TRIM38: variants seen among roughly 807,000 people sequenced by gnomAD.
TRIM38 encodes E3 ubiquitin-protein ligase TRIM38.
In TRIM38, 35 loss-of-function variants were observed where a neutral mutation model predicts 35.8. That is an observed-to-expected ratio of 0.98 (90% confidence interval 0.75 to 1.30). The LOEUF is 1.30. Among genes scored for constraint, TRIM38 ranks in the 50% most tolerant of loss-of-function variants. TRIM38 has a pLI of 0.00. For synonymous variants in TRIM38, 198 were observed against 204.7 expected, an observed-to-expected ratio of 0.97 and a Z score of 0.28; for missense variants, 545 against 556.9, an observed-to-expected ratio of 0.98 and a Z score of 0.21.
rs1345140745 is a variant in TRIM38, at chr6:25,990,963, A to C, written c.*7276A>C. The stretch of plus-strand genomic sequence containing the variant: ...AGGAGAGTAATTCTGTTTTTCTGAT[A>C]GAGAATAGAAGAGTCCTTCAGGCCC... On this transcript the variant is annotated 3_prime_UTR_variant, in exon 8 of 8. Coordinates refer to ENST00000357085, the MANE Select transcript of TRIM38 (RefSeq NM_006355.5). 2 of 152,182 alleles carry C rather than the reference A, an allele frequency of 1.3e-5. No individual in the cohort carries two copies. The highest frequency in any genetic ancestry group is 2.9e-5 in the Non-Finnish European group (2 of 68,036). 9.4% of individuals were successfully genotyped at this position (152,182 alleles called of 1,614,324 possible).
chr6:25,974,875 A>G (rs997604196), intron 7 of TRIM38: 7 of 985,370 alleles, frequency 7.1e-6, no homozygotes, highest in Non-Finnish European at 4.8e-6. Context: ...ACAAAACCCA[A>G]AAGCACTCTG....
rs1362411571 is a variant in TRIM38, at chr6:25,969,336, G to A, written c.423G>A (p.Gln141=). ...AATTTTTCCTTCAGGAAAAGCTCCA[G>A]AAAGCTGTGACAAAACTGAAGCAAC... ...DVCQGYKEKL[Q]KAVTKLKQLE... Residue 141 remains glutamine (Q), a synonymous_variant, in exon 4 of 8, where the codon CAG becomes CAA. Coordinates refer to ENST00000357085, the MANE Select transcript of TRIM38 (RefSeq NM_006355.5). 6.2e-7 allele frequency: 1 copy of A among 1,612,554 alleles called. No individual in the cohort carries two copies. Among genetic ancestry groups the A allele is most frequent in the Non-Finnish European group, 8.5e-7 (1 of 1,179,342 alleles).
chr6:25,990,090 C>T lies in TRIM38; in HGVS notation c.*6403C>T, dbSNP rs1760803702. On this transcript the variant is annotated 3_prime_UTR_variant, in exon 8 of 8. Coordinates refer to ENST00000357085, the MANE Select transcript of TRIM38 (RefSeq NM_006355.5). The stretch of plus-strand genomic sequence containing the variant: ...CTGGTCTCCAACTTCTGGGCTCAAA[C>T]AATCCTCCCTCCTTGGCCTTCCAAA... 6.6e-6 allele frequency: 1 copy of T among 151,170 alleles called. No individual in the cohort carries two copies. The highest frequency in any genetic ancestry group is 2.4e-5 in the African/African-American group (1 of 41,150). 9.4% of individuals were successfully genotyped at this position (151,170 alleles called of 1,614,324 possible). A position where few individuals can be genotyped will look rare whatever the true frequency, so the allele number is the denominator to read the frequency against.
chr6:25,983,064 G>A, intron 7 of TRIM38, 100 bp from the exon 8 acceptor site: 1 of 1,220,334 alleles, frequency 8.2e-7, no homozygotes, highest in Non-Finnish European at 1.1e-6. Flanking sequence ...ACTCCAGCCT[G>A]GGTGACAGCA....
chr6:25,966,613 T>C lies in TRIM38; in HGVS notation c.91T>C (p.Cys31Arg). The C allele has an allele frequency of 1.2e-6, 2 of 1,614,208 alleles. No homozygotes were observed. Among genetic ancestry groups the C allele is most frequent in the African/African-American group, 2.7e-5 (2 of 75,058 alleles). ...SLMTNPVSIN[C>R]GHSYCHLCIT... is the part of the protein sequence containing the mutation. ...GATGACGAACCCAGTAAGCATCAAC[T>C]GTGGACACAGCTACTGCCACTTGTG... The change falls in exon 3 of 8, where the codon TGT (cysteine) becomes CGT (arginine). Residue 31 changes from cysteine to arginine, a missense_variant. Physicochemically the swap from Cys to Arg is radical, Grantham distance 180. Transcript: ENST00000357085.
In TRIM38 at chr6:25,984,658, C is replaced by G. The variant is rs1404164879; in HGVS notation, c.*971C>G. Reference sequence around the variant, plus strand: ...CTATGTGAGGCTGAGGCAGGTGGATCACTTGAGGTCAGGAGTTCAACACCA... The same window carrying G: ...CTATGTGAGGCTGAGGCAGGTGGATGACTTGAGGTCAGGAGTTCAACACCA... On this transcript the variant is annotated 3_prime_UTR_variant, in exon 8 of 8. Transcript: ENST00000357085. 6.6e-6 allele frequency: 1 copy of G among 152,088 alleles called. No homozygotes were observed. The highest frequency in any genetic ancestry group is 2.4e-5 in the African/African-American group (1 of 41,394). 9.4% of individuals were successfully genotyped at this position (152,088 alleles called of 1,614,324 possible). A position where few individuals can be genotyped will look rare whatever the true frequency, so the allele number is the denominator to read the frequency against.
rs1760730533 is a variant in TRIM38, at chr6:25,987,147, G to A, written c.*3460G>A. On this transcript the variant is annotated 3_prime_UTR_variant, in exon 8 of 8. Transcript: ENST00000357085. ...TACTATTTAAACTGTCCTAGTCAAT[G>A]ACCAAAAAAGAAAAGCCTACAAACT... The A allele has an allele frequency of 6.6e-6, 1 of 151,134 alleles. No homozygotes were observed. Among genetic ancestry groups the A allele is most frequent in the South Asian group, 2.1e-4 (1 of 4,792 alleles). The allele number at this position is 151,134 out of a possible 1,614,324, so 9.4% of individuals were successfully genotyped here.
At position 25,983,506 on chromosome 6, in the gene TRIM38, ATGAGCAGCCCC is replaced by A. The variant is rs1290002739; in HGVS notation, c.1220_1230del (p.Glu407AlafsTer9). The A allele has an allele frequency of 1.2e-6, 2 of 1,614,122 alleles. No homozygotes were observed. Among genetic ancestry groups the A allele is most frequent in the East Asian group, 4.5e-5 (2 of 44,866 alleles). Reference sequence around the variant, plus strand: ...TCTCCCCCAACTTCCCTTCATCTGCATGAGCAGCCCCTGCTTGTGGGAATTTTTCTGGACTA... The same window carrying A: ...TCTCCCCCAACTTCCCTTCATCTGCATGCTTGTGGGAATTTTTCTGGACTA... On this transcript the variant is annotated frameshift_variant, in exon 8 of 8. Coordinates refer to ENST00000357085, the MANE Select transcript of TRIM38 (RefSeq NM_006355.5). LOFTEE classifies it low-confidence loss of function (END_TRUNC).
In TRIM38 at chr6:25,966,667, C is replaced by G. The variant is rs758236250; in HGVS notation, c.145C>G (p.Gln49Glu). 1.9e-6 allele frequency: 3 copies of G among 1,614,012 alleles called. No homozygotes were observed. The highest frequency in any genetic ancestry group is 1.3e-5 in the African/African-American group (1 of 74,900). Residue 49 changes from glutamine to glutamate, a missense_variant, in exon 3 of 8, where the codon CAA becomes GAA. Coordinates refer to ENST00000357085, the MANE Select transcript of TRIM38 (RefSeq NM_006355.5). ...CITDFFKNPSQKQLRQETFCC... is the reference protein window; with the variant it reads ...CITDFFKNPSEKQLRQETFCC... Reference sequence around the variant, plus strand: ...AACAGACTTCTTTAAAAACCCAAGCCAAAAGCAACTGAGGCAGGAGACATT... The same window carrying G: ...AACAGACTTCTTTAAAAACCCAAGCGAAAAGCAACTGAGGCAGGAGACATT...
intron 7 of TRIM38, chr6:25,975,216 T>TC: frequency 2.3e-6 from 2 of 877,816 alleles, no homozygotes; most frequent in Non-Finnish European, 2.7e-6. Context: ...TTTTCTTTTT[T>TC]CAAATTTTTT....
chr6:25,970,963 G>C (rs957525168), intron 4 of TRIM38, among the ~76,000 whole-genome samples: 1 of 151,970 alleles, frequency 6.6e-6, no homozygotes, highest in Non-Finnish European at 1.5e-5. Context: ...ATGACCCTAG[G>C]GTAGTAGAAC....
At chr6:25,982,750 T>A (rs557691697) in intron 7 of TRIM38, among the ~76,000 whole-genome samples, 4 of 152,292 alleles carry the variant, frequency 2.6e-5, no homozygotes, top group Admixed American at 2.6e-4. Context: ...ACCCAGTTTA[T>A]AAGAAACAAT....
At chr6:25,974,219 G>A (rs1323004885) in intron 7 of TRIM38, among the ~76,000 whole-genome samples, 2 of 152,152 alleles carry the variant, frequency 1.3e-5, no homozygotes, top group Non-Finnish European at 2.9e-5. Flanking sequence ...CAAGCTCACT[G>A]AGGTAGCAGG....
At chr6:25,975,715 G>A (rs1477071983) in intron 7 of TRIM38, 15 of 969,934 alleles carry the variant, frequency 1.5e-5, no homozygotes, top group African/African-American at 1.8e-5. Context: ...TTGTACAAAC[G>A]TAACATATAT....
chr6:25,989,104 A>T lies in TRIM38; in HGVS notation c.*5417A>T, dbSNP rs1275366585. 6.6e-6 allele frequency: 1 copy of T among 152,218 alleles called. No homozygotes were observed. Among genetic ancestry groups the T allele is most frequent in the Non-Finnish European group, 1.5e-5 (1 of 68,022 alleles). The allele number at this position is 152,218 out of a possible 1,614,324, so 9.4% of individuals were successfully genotyped here. A position where few individuals can be genotyped will look rare whatever the true frequency, so the allele number is the denominator to read the frequency against. ...CTAAATTTTGGTCATTCTACTAGGT[A>T]TGCAGTGGTATCTACTTGTTTTAAT... On this transcript the variant is annotated 3_prime_UTR_variant, in exon 8 of 8. Coordinates refer to ENST00000357085, the MANE Select transcript of TRIM38 (RefSeq NM_006355.5).
chr6:25,973,925 A>T, intron 7 of TRIM38: 1 of 958,462 alleles, frequency 1.0e-6, no homozygotes, highest in Non-Finnish European at 1.2e-6. Flanking sequence ...TACAAAATCA[A>T]AAAAACCCCT....
chr6:25,972,166 G>A, intron 5 of TRIM38, 67 bp downstream of exon 5: 4 of 1,375,922 alleles, frequency 2.9e-6, no homozygotes, highest in Non-Finnish European at 4.1e-6. Context: ...GAATGGTAAG[G>A]AAGCATGGGA....
chr6:25,972,958 C>A, intron 5 of TRIM38, 96 bp from the exon 6 acceptor site: 1 of 1,519,902 alleles, frequency 6.6e-7, no homozygotes, highest in Non-Finnish European at 9.0e-7. Context: ...ACTCTCTTTA[C>A]TTCTTCGGGT....
At chr6:25,970,100 T>C (rs890054647) in intron 4 of TRIM38, among the ~76,000 whole-genome samples, 2 of 152,152 alleles carry the variant, frequency 1.3e-5, no homozygotes, top group South Asian at 2.1e-4. Context: ...TGTATTTTAG[T>C]AGAGACGGGG....
Sources: gnomAD v4.1 joint callset for allele counts (sites outside exome capture counted in the v4.1 genomes callset) on GRCh38, gnomAD v4.1.1 for gene constraint, MANE v1.5 for transcripts, NCBI Gene and HGNC (gene_info 2026-07-23, HGNC 2026-07-21) for gene names.